Variants in SYNE1 observed in about 807,000 individuals in gnomAD.
SYNE1 encodes nesprin-1.
SYNE1 carries 616 observed loss-of-function variants against 1,111.0 expected under a neutral mutation model. That is an observed-to-expected ratio of 0.55 (90% CI 0.52 to 0.59). The LOEUF (loss-of-function observed/expected upper bound fraction) is 0.59, where lower values mean the gene tolerates loss of function less well. Ranked by LOEUF, SYNE1 falls within the 20% of genes least tolerant of loss-of-function variation. SYNE1 has a pLI of 0.00. For synonymous variants in SYNE1, 3,855 were observed against 3,825.8 expected, an observed-to-expected ratio of 1.01 and a Z score of -0.28; for missense variants, 10,006 against 10,417.0, an observed-to-expected ratio of 0.96 and a Z score of 1.72.
intron 63 of SYNE1, among the ~76,000 whole-genome samples, chr6:152,362,671 A>G (rs1351232623): frequency 6.6e-6 from 1 of 152,192 alleles, no homozygotes; most frequent in African/African-American, 2.4e-5. Context: ...AGCTCTGGGC[A>G]GGGAGAGAAG....
rs755998102 is a variant in SYNE1, at chr6:152,409,570, C to A, written c.6370G>T (p.Ala2124Ser). ...ATTTTGAATTTTACCTTGGAAAAAG[C>A]CCATTTAAGATCCTCCTGATCTTTT... ...TIKDQEDLKW[A>S]FSKHETAKNK... The change falls in exon 43 of 146, where the codon GCT becomes TCT. Residue 2124 changes from alanine to serine, a missense_variant. Coordinates refer to ENST00000367255, the MANE Select transcript of SYNE1 (RefSeq NM_182961.4). The A allele has an allele frequency of 5.6e-6, 9 of 1,613,490 alleles. No individual in the cohort carries two copies. The Admixed American group carries it at 1.3e-4, about 24-fold the overall frequency.
chr6:152,213,571 A>C, intron 123 of SYNE1, 41 bp downstream of exon 123: 2 of 1,612,624 alleles, frequency 1.2e-6, no homozygotes, highest in Non-Finnish European at 1.7e-6. Flanking sequence ...CTAAGGGCCT[A>C]AAAATTTCTT....
At chr6:152,587,681 G>A (rs2099544833) in intron 3 of SYNE1, among the ~76,000 whole-genome samples, 2 of 152,088 alleles carry the variant, frequency 1.3e-5, no homozygotes, top group South Asian at 4.1e-4. Flanking sequence ...CTTGTAGAGG[G>A]TCTGCTGTGG....
At position 152,239,990 on chromosome 6, in the gene SYNE1, C is replaced by T. The variant is rs904238450; in HGVS notation, c.19894-284G>A. 3.9e-5 allele frequency among the ~76,000 whole-genome samples: 6 copies of T among 152,088 alleles called. No individual in the cohort carries two copies. In the East Asian group the frequency reaches 5.8e-4, roughly 15 times the overall value. On this transcript the variant is annotated intron_variant, in intron 107 of 145. Coordinates refer to ENST00000367255, the MANE Select transcript of SYNE1 (RefSeq NM_182961.4). ...CAAGAATCGCTTGAACCTGGGAGGCCGAGGTTGCAGTGAGCCAAGATCGTG... is the reference window on the plus strand; with the variant it reads ...CAAGAATCGCTTGAACCTGGGAGGCTGAGGTTGCAGTGAGCCAAGATCGTG...
chr6:152,368,350 G>C (rs1489456090), intron 61 of SYNE1: 3 of 153,364 alleles, frequency 2.0e-5, no homozygotes, highest in Non-Finnish European at 4.4e-5. Flanking sequence ...AAATGAGATT[G>C]TAGTAGGATT....
intron 4 of SYNE1, among the ~76,000 whole-genome samples, chr6:152,536,613 C>A (rs1330115404): frequency 1.3e-5 from 2 of 151,176 alleles, no homozygotes; most frequent in African/African-American, 4.9e-5. Context: ...AATGGGTTCA[C>A]CTTTACCAAC....
chr6:152,505,545 CAA>C lies in SYNE1; in HGVS notation c.582-150_582-149del, dbSNP rs1054487438. ...TGTATTTGAGAAAAATTAAGGGAAACAAAATTTTTAGGGGGCAACAAGATAAG... is the reference window on the plus strand; with the variant it reads ...TGTATTTGAGAAAAATTAAGGGAAACAATTTTTAGGGGGCAACAAGATAAG... On this transcript the variant is annotated intron_variant, in intron 8 of 145. Transcript: ENST00000367255. The C allele has an allele frequency of 1.6e-4, 131 of 837,512 alleles. No homozygotes were observed. The Middle Eastern group carries it at 2.1e-3, about 14-fold the overall frequency. The allele number at this position is 837,512 out of a possible 1,614,324, so 51.9% of individuals were successfully genotyped here. A position where few individuals can be genotyped will look rare whatever the true frequency, so the allele number is the denominator to read the frequency against.
chr6:152,311,775 A>ATTTTTTTTTTTTTTTTTTTTTTTTT (rs762825816), intron 87 of SYNE1, among the ~76,000 whole-genome samples: 1 of 139,322 alleles, frequency 7.2e-6, no homozygotes. Context: ...GCAATAGACT[A>ATTTTTTTTTTTTTTTTTTTTTTTTT]TTTATTTATT....
chr6:152,533,430 A>G (rs2099215531), intron 4 of SYNE1, among the ~76,000 whole-genome samples: 1 of 152,152 alleles, frequency 6.6e-6, no homozygotes, highest in African/African-American at 2.4e-5. Context: ...ATAGTATAAA[A>G]GCATTATTGT....
intron 32 of SYNE1, among the ~76,000 whole-genome samples, chr6:152,438,103 C>T (rs567194925): frequency 6.6e-6 from 1 of 152,238 alleles, no homozygotes; most frequent in Non-Finnish European, 1.5e-5. Context: ...TTCCTTATGG[C>T]ATAGAGATTT....
At chr6:152,300,548 C>A in intron 93 of SYNE1, 93 bp downstream of exon 93, 1 of 1,578,130 alleles carries the variant, frequency 6.3e-7, no homozygotes, top group Non-Finnish European at 8.7e-7. Flanking sequence ...GCAACAAAGT[C>A]TGAGATTCAT....
At chr6:152,528,566 A>G (rs1414542193) in intron 4 of SYNE1, among the ~76,000 whole-genome samples, 1 of 152,212 alleles carries the variant, frequency 6.6e-6, no homozygotes, top group Non-Finnish European at 1.5e-5. Flanking sequence ...TATTTATACC[A>G]CCAATATGGT....
intron 3 of SYNE1, among the ~76,000 whole-genome samples, chr6:152,619,175 G>C (rs1251306479): frequency 6.6e-6 from 1 of 152,120 alleles, no homozygotes; most frequent in Non-Finnish European, 1.5e-5. Flanking sequence ...ATATATGAGG[G>C]ATTTGTCACA....
At chr6:152,603,724 A>C (rs1248784413) in intron 3 of SYNE1, among the ~76,000 whole-genome samples, 4 of 150,734 alleles carry the variant, frequency 2.7e-5, no homozygotes, top group Non-Finnish European at 5.9e-5. Context: ...ATATCTATAC[A>C]TACATATATA....
rs536242063 is a variant in SYNE1, at chr6:152,504,443, A to G, written c.778+758T>C. ...AATAATTTTTGGTGGATCCCATGAA[A>G]ACAGAGAGTAGATTGGTGGTTACCA... On this transcript the variant is annotated intron_variant, in intron 9 of 145. Transcript: ENST00000367255. Among the ~76,000 whole-genome samples the G allele has an allele frequency of 5.9e-5, 9 of 152,274 alleles. No homozygotes were observed. In the East Asian group the frequency reaches 1.2e-3, roughly 20 times the overall value.
rs115889490 is a variant in SYNE1, at chr6:152,429,804, A to G, written c.4788+308T>C. On this transcript the variant is annotated intron_variant, in intron 36 of 145. Transcript: ENST00000367255. ...TTTTTCCTTGCACATGTACTTTTTT[A>G]TAATGCTGGCAAGAGGTAACAGGGT... 6.7e-3 allele frequency among the ~76,000 whole-genome samples: 1,024 copies of G among 152,278 alleles called. 15 individuals carry two copies. The highest frequency in any genetic ancestry group is 0.023 in the African/African-American group (963 of 41,564).
chr6:152,364,963 C>G lies in SYNE1; in HGVS notation c.10029G>C (p.Arg3343Ser). 1 of 1,614,166 alleles carries G rather than the reference C, an allele frequency of 6.2e-7. No homozygotes were observed. ...KEIQMKMIVT[R>S]GESVLQNTSP... is the part of the protein sequence containing the mutation. ...AAGTATTCTGAAGGACAGATTCTCC[C>G]CTGGTCACTATCATTTTCATCTGAA... The change falls in exon 63 of 146, where the codon AGG becomes AGC. Residue 3343 changes from arginine (R) to serine (S), a missense_variant. Arg to Ser is a moderately radical substitution (Grantham distance 110). This residue lies in a region of SYNE1 where 4,955 missense variants were observed against 5,017.2 expected (regional missense o/e 0.99). Coordinates refer to ENST00000367255, the MANE Select transcript of SYNE1 (RefSeq NM_182961.4).
At chr6:152,304,481 C>T (rs957483349) in intron 91 of SYNE1, among the ~76,000 whole-genome samples, 4 of 152,270 alleles carry the variant, frequency 2.6e-5, no homozygotes, top group Admixed American at 6.5e-5. Flanking sequence ...ATTATAGGCA[C>T]GCGCCACCAT....
At chr6:152,280,418 T>C (rs2153720273) in intron 97 of SYNE1, among the ~76,000 whole-genome samples, 1 of 152,288 alleles carries the variant, frequency 6.6e-6, no homozygotes, top group South Asian at 2.1e-4. Flanking sequence ...GAAACTTTCT[T>C]AAAATGTTAT....
Sources: allele counts gnomAD v4.1 joint callset (sites outside exome capture counted in the v4.1 genomes callset), GRCh38; gene constraint gnomAD v4.1.1; regional missense constraint gnomAD v4.1.1; transcripts MANE v1.5; gene names NCBI Gene and HGNC (gene_info 2026-07-23, HGNC 2026-07-21).